The following RP1 variants were observed in gnomAD, a reference collection of about 807,000 sequenced individuals.
RP1 encodes RP1 axonemal microtubule associated.
A neutral mutation model predicts 14.8 loss-of-function variants in RP1; 16 were observed. The ratio of observed to expected loss-of-function variants is 1.08; its 90% confidence interval spans 0.73 to 1.65. The LOEUF is 1.65. Ranked by LOEUF, RP1 falls within the 40% of genes most tolerant of loss-of-function variation. The pLI is 0.00. For missense variants in RP1, 2,631 were observed against 2,535.0 expected (o/e 1.04, Z -0.81); for synonymous variants, 876 against 883.6 (o/e 0.99, Z 0.15).
intron 17 of RP1, among the ~76,000 whole-genome samples, chr8:54,731,155 AT>A (rs1388308024): frequency 6.6e-6 from 1 of 152,186 alleles, no homozygotes; most frequent in Non-Finnish European, 1.5e-5. Flanking sequence ...CAGCTAGTTT[AT>A]TACTTATTTC....
intron 14 of RP1, chr8:54,706,383 C>T: frequency 1.3e-6 from 2 of 1,495,762 alleles, no homozygotes; most frequent in African/African-American, 1.4e-5. Context: ...TAGTTGTCTC[C>T]CTCTAGCAAA....
At chr8:54,666,198 A>G (rs1355317126) in intron 7 of RP1, among the ~76,000 whole-genome samples, 1 of 152,142 alleles carries the variant, frequency 6.6e-6, no homozygotes, top group Non-Finnish European at 1.5e-5. Context: ...AGGTTCACAA[A>G]GGACTTCTAA....
At position 54,629,158 on chromosome 8, in the gene RP1, A is replaced by G; in HGVS notation, c.5276A>G (p.Glu1759Gly). ...AATCATTTGCTAAGGATGTCATCTG[A>G]AAATCCTGGCATGTGTGGCAATGCA... ...KENHLLRMSSENPGMCGNADT... is the reference protein window; with the variant it reads ...KENHLLRMSSGNPGMCGNADT... Residue 1759 changes from glutamate (E) to glycine (G), a missense_variant, in exon 4 of 4, where the codon GAA becomes GGA. Transcript: ENST00000220676. 6.2e-7 allele frequency: 1 copy of G among 1,614,142 alleles called. No homozygotes were observed. Among genetic ancestry groups the G allele is most frequent in the Non-Finnish European group, 8.5e-7 (1 of 1,179,954 alleles).
chr8:54,802,634 T>C (rs1352275804), intron 24 of RP1, among the ~76,000 whole-genome samples: 1 of 152,208 alleles, frequency 6.6e-6, no homozygotes. Context: ...TTCATTTCAA[T>C]GTCGTTCAGC....
At position 54,821,773 on chromosome 8, in the gene RP1, G is replaced by C. The variant is rs1229677322; in HGVS notation, c.3616-15677G>C. Among the ~76,000 whole-genome samples the C allele has an allele frequency of 1.5e-4, 23 of 152,192 alleles. 1 individual carries two copies. The highest frequency in any genetic ancestry group is 1.5e-3 in the Admixed American group (23 of 15,278). On this transcript the variant is annotated intron_variant, in intron 24 of 28. Transcript: ENST00000637698. ...GCAGCTGTTCGTTCATCTACCACCA[G>C]CTCTCCTGCGTCCTGTACTGCCCAT...
intron 27 of RP1, among the ~76,000 whole-genome samples, chr8:54,863,122 C>T (rs1029600391): frequency 6.9e-6 from 1 of 144,808 alleles, no homozygotes; most frequent in Admixed American, 7.1e-5. Flanking sequence ...TAACGTGGAC[C>T]ACATATATGA....
chr8:54,807,275 C>T (rs1370993247), intron 24 of RP1, among the ~76,000 whole-genome samples: 4 of 152,174 alleles, frequency 2.6e-5, no homozygotes, highest in African/African-American at 9.7e-5. Context: ...TTGCAAAAAA[C>T]AGAAAGAAGG....
At chr8:54,826,614 T>A (rs948005715) in intron 24 of RP1, among the ~76,000 whole-genome samples, 1 of 152,194 alleles carries the variant, frequency 6.6e-6, no homozygotes, top group Admixed American at 6.5e-5. Flanking sequence ...TTACATCAAA[T>A]AATCCAATCA....
At chr8:54,831,404 T>TTC (rs1554537871) in intron 24 of RP1, among the ~76,000 whole-genome samples, 1 of 147,484 alleles carries the variant, frequency 6.8e-6, no homozygotes, top group Non-Finnish European at 1.5e-5. Context: ...ATTGTTTCTT[T>TTC]TTTTTTTTTT....
intron 24 of RP1, among the ~76,000 whole-genome samples, chr8:54,788,633 C>T (rs936848235): frequency 6.6e-5 from 10 of 152,024 alleles, no homozygotes; most frequent in Non-Finnish European, 1.0e-4. Context: ...TAAACTTTTT[C>T]GTTAGTTACA....
intron 25 of RP1, among the ~76,000 whole-genome samples, chr8:54,845,494 C>T (rs571906670): frequency 5.3e-4 from 81 of 152,246 alleles, no homozygotes; most frequent in Admixed American, 1.1e-3. Context: ...GCCCGGTGCA[C>T]GGATGAGTGG....
At chr8:54,583,176 C>G (rs547685376) in intron 1 of RP1, among the ~76,000 whole-genome samples, 1 of 152,192 alleles carries the variant, frequency 6.6e-6, no homozygotes, top group Non-Finnish European at 1.5e-5. Context: ...TACGTCCTAT[C>G]AATACCTAAT....
intron 24 of RP1, among the ~76,000 whole-genome samples, chr8:54,793,813 G>A (rs1026810931): frequency 6.6e-6 from 1 of 151,868 alleles, no homozygotes; most frequent in Non-Finnish European, 1.5e-5. Context: ...CATAGTACTG[G>A]AAGTGCTAGT....
chr8:54,607,974 C>T (rs1805499472), intron 1 of RP1, among the ~76,000 whole-genome samples: 1 of 152,056 alleles, frequency 6.6e-6, no homozygotes, highest in African/African-American at 2.4e-5. Context: ...AGGGAATTCC[C>T]TGACCCCTTG....
intron 3 of RP1, among the ~76,000 whole-genome samples, chr8:54,643,129 T>A (rs1806482177): frequency 6.6e-6 from 1 of 152,178 alleles, no homozygotes; most frequent in Non-Finnish European, 1.5e-5. Flanking sequence ...TTTTCATTTG[T>A]GTGGCAGTTT....
chr8:54,625,514 A>G lies in RP1; in HGVS notation c.1632A>G (p.Ala544=), dbSNP rs147786754. 5.5e-5 allele frequency: 88 copies of G among 1,614,092 alleles called. 2 individuals are homozygous for G. In the African/African-American group the frequency reaches 8.3e-4, roughly 15 times the overall value. The change falls in exon 4 of 4, where the codon GCA becomes GCG. Residue 544 remains alanine (A), a synonymous_variant. Transcript: ENST00000220676. ...KKENSLLKSS[A]ISAGVIEITS... is the part of the protein sequence containing the mutation. ...AAAACAGTCTGCTTAAGTCAAGTGC[A>G]ATAAGTGCTGGTGTTATAGAAATTA...
intron 7 of RP1, among the ~76,000 whole-genome samples, chr8:54,672,529 T>C (rs1807201526): frequency 6.6e-6 from 1 of 152,212 alleles, no homozygotes; most frequent in Non-Finnish European, 1.5e-5. Context: ...AGTTCTTACA[T>C]TATTGTTAAC....
At chr8:54,837,275 A>C (rs911171042) in intron 24 of RP1, among the ~76,000 whole-genome samples, 2 of 152,216 alleles carry the variant, frequency 1.3e-5, no homozygotes, top group African/African-American at 4.8e-5. Context: ...TGGTCAATGG[A>C]TACATGCTTC....
At chr8:54,581,271 T>C (rs1804786298) in intron 1 of RP1, among the ~76,000 whole-genome samples, 1 of 152,044 alleles carries the variant, frequency 6.6e-6, no homozygotes, top group Non-Finnish European at 1.5e-5. Flanking sequence ...TTTTCTGCCC[T>C]TGCGATAGTT....
Sources: allele counts gnomAD v4.1 joint callset (sites outside exome capture counted in the v4.1 genomes callset), GRCh38; gene constraint gnomAD v4.1.1; transcripts MANE v1.5; gene names NCBI Gene and HGNC (gene_info 2026-07-23, HGNC 2026-07-21).